Variants in RWDD1 observed in about 807,000 individuals in gnomAD.
RWDD1 encodes the protein RWD domain containing 1, also known as RWD domain-containing protein 1.
A neutral mutation model predicts 31.6 loss-of-function variants in RWDD1; 17 were observed. The ratio of observed to expected loss-of-function variants is 0.54; its 90% CI spans 0.37 to 0.81. RWDD1 has a LOEUF of 0.81. RWDD1 is among the 30% of genes least tolerant of loss of function. The pLI, the probability that RWDD1 is intolerant of heterozygous loss-of-function variation, is 0.00. For synonymous variants in RWDD1, 78 were observed against 94.2 expected (o/e 0.83, Z 0.99); for missense variants, 204 against 274.5 (o/e 0.74, Z 1.82).
Position 116,584,719 on chromosome 6 carries a change from T to C in RWDD1, c.140-8T>C. ...GTATTCACATCAAACTCTTATCTTG[T>C]GTCTTAGCTGTCCAGACTACCCTCA... is the stretch of plus-strand genomic sequence containing the variant. On this transcript the variant is annotated splice_polypyrimidine_tract_variant and splice_region_variant and intron_variant, in intron 2 of 6. Transcript: ENST00000466444. The C allele has an allele frequency of 6.2e-7, 1 of 1,609,178 alleles. No individual in the cohort carries two copies. The highest frequency in any genetic ancestry group is 8.5e-7 in the Non-Finnish European group (1 of 1,176,132).
In RWDD1 at chr6:116,590,275, T is replaced by G; in HGVS notation, c.418T>G (p.Leu140Val). ...CTTTTTTTTTTTATTTCCTAAGCAA[T>G]TATTCCATGGTACTCCAGTTACAAT... Reference protein sequence around the residue: ...EKEAEEAEKQLFHGTPVTIEN... With the variant: ...EKEAEEAEKQVFHGTPVTIEN... Residue 140 changes from leucine (L) to valine (V), a missense_variant, in exon 5 of 7, where the codon TTA (leucine) becomes GTA (valine). Physicochemically the swap from Leu to Val is conservative, Grantham distance 32. Coordinates refer to ENST00000466444, the MANE Select transcript of RWDD1 (RefSeq NM_015952.4). 1 of 1,531,088 alleles carries G rather than the reference T, an allele frequency of 6.5e-7. No individual in the cohort carries two copies. The highest frequency in any genetic ancestry group is 8.8e-7 in the Non-Finnish European group (1 of 1,138,356). 94.8% of individuals were successfully genotyped at this position (1,531,088 alleles called of 1,614,324 possible).
rs1775255512 is a variant in RWDD1 at position 116,597,387 on chromosome 6, C to T, written c.*4286C>T. 6.6e-6 allele frequency: 1 copy of T among 152,082 alleles called. No individual in the cohort carries two copies. The highest frequency in any genetic ancestry group is 2.4e-5 in the African/African-American group (1 of 41,414). The allele number at this position is 152,082 out of a possible 1,614,324, so 9.4% of individuals were successfully genotyped here. Reference sequence around the variant, plus strand: ...ATTTACTTATCATAAAAAATACTTCCTAGACCTTCCTCTTATAGCTATTGC... The same window carrying T: ...ATTTACTTATCATAAAAAATACTTCTTAGACCTTCCTCTTATAGCTATTGC... On this transcript the variant is annotated 3_prime_UTR_variant, in exon 7 of 7. Transcript: ENST00000466444.
intron 6 of RWDD1, among the ~76,000 whole-genome samples, chr6:116,592,083 AC>A (rs1775154557): frequency 6.6e-6 from 1 of 152,088 alleles, no homozygotes; most frequent in Non-Finnish European, 1.5e-5. Flanking sequence ...TATTCCTAAA[AC>A]CCATATTTAA....
intron 2 of RWDD1, 125 bp downstream of exon 2, chr6:116,580,485 T>C: frequency 1.9e-6 from 1 of 517,618 alleles, no homozygotes; most frequent in Non-Finnish European, 3.4e-6. Context: ...CTGCTATGAA[T>C]GTTGTATATT....
rs530633992 is a variant in RWDD1, at chr6:116,594,660, C to T, written c.*1559C>T. ...CATTAACATCCGTGCACATAGAGTC[C>T]TTTGTAATAATTTGGGATGATTGAC... On this transcript the variant is annotated 3_prime_UTR_variant, in exon 7 of 7. Transcript: ENST00000466444. 38 of 152,308 alleles carry T rather than the reference C, an allele frequency of 2.5e-4. No individual in the cohort carries two copies. Among genetic ancestry groups the T allele is most frequent in the African/African-American group, 9.1e-4 (38 of 41,572 alleles). The allele number at this position is 152,308 out of a possible 1,614,324, so 9.4% of individuals were successfully genotyped here.
chr6:116,589,108 AT>A, intron 4 of RWDD1, 123 bp downstream of exon 4: 1 of 846,122 alleles, frequency 1.2e-6, no homozygotes. Context: ...ATAAAAGTAA[AT>A]TTTAGTAAAG....
intron 1 of RWDD1, among the ~76,000 whole-genome samples, chr6:116,574,643 ACTTACTTT>A (rs1414925496): frequency 1.8e-3 from 236 of 130,992 alleles, no homozygotes; most frequent in African/African-American, 7.2e-3. Context: ...GTGGCCAACA[ACTTACTTT>A]CTTTCTTTCT....
rs1191575197 is a variant in RWDD1 at position 116,595,002 on chromosome 6, A to T, written c.*1901A>T. On this transcript the variant is annotated 3_prime_UTR_variant, in exon 7 of 7. Coordinates refer to ENST00000466444, the MANE Select transcript of RWDD1 (RefSeq NM_015952.4). Reference sequence around the variant, plus strand: ...GATCCCAGACCAATAGAATGGAATAACAACAGGAATGTTCAGCATTTCTTT... The same window carrying T: ...GATCCCAGACCAATAGAATGGAATATCAACAGGAATGTTCAGCATTTCTTT... The T allele has an allele frequency of 6.6e-6, 1 of 152,264 alleles. No homozygotes were observed. 9.4% of individuals were successfully genotyped at this position (152,264 alleles called of 1,614,324 possible). A position where few individuals can be genotyped will look rare whatever the true frequency, so the allele number is the denominator to read the frequency against.
chr6:116,571,569 G>T lies in RWDD1; in HGVS notation c.-14G>T. 1 of 1,612,698 alleles carries T rather than the reference G, an allele frequency of 6.2e-7. No homozygotes were observed. Among genetic ancestry groups the T allele is most frequent in the Non-Finnish European group, 8.5e-7 (1 of 1,179,562 alleles). ...AGGTGTCTGGGCGATCTATGGGCAA[G>T]AGCAAGGGCCACGATGACAGATTAC... On this transcript the variant is annotated 5_prime_UTR_variant, in exon 1 of 7. Transcript: ENST00000466444.
chr6:116,590,239 T>G (rs758829261), intron 4 of RWDD1, 33 bp from the exon 5 acceptor site: 3 of 1,263,432 alleles, frequency 2.4e-6, no homozygotes, highest in Non-Finnish European at 2.2e-6. Flanking sequence ...GCTGTTTCAT[T>G]AATCTGGTGA....
chr6:116,576,385 GA>G (rs944029394), intron 1 of RWDD1, among the ~76,000 whole-genome samples: 1 of 152,152 alleles, frequency 6.6e-6, no homozygotes, highest in African/African-American at 2.4e-5. Context: ...GCCACACCTT[GA>G]AAATGCCATC....
At chr6:116,576,924 G>A (rs1430092137) in intron 1 of RWDD1, among the ~76,000 whole-genome samples, 1 of 152,180 alleles carries the variant, frequency 6.6e-6, no homozygotes, top group Non-Finnish European at 1.5e-5. Flanking sequence ...ACATCACAGA[G>A]GGCCTTGTCA....
At position 116,586,279 on chromosome 6, in the gene RWDD1, T is replaced by C. The variant is rs574141863; in HGVS notation, c.270+1422T>C. On this transcript the variant is annotated intron_variant, in intron 3 of 6. Coordinates refer to ENST00000466444, the MANE Select transcript of RWDD1 (RefSeq NM_015952.4). ...ATGAAGAAGAAGAAAATAAAGATGA[T>C]TTTTAATTGTACCAACTATGTATAA... Among the ~76,000 whole-genome samples, 694 of 152,266 alleles carry C rather than the reference T, an allele frequency of 4.6e-3. 6 individuals are homozygous for C. Among genetic ancestry groups the C allele is most frequent in the African/African-American group, 0.016 (656 of 41,550 alleles).
chr6:116,574,675 TC>T (rs1774804185), intron 1 of RWDD1, among the ~76,000 whole-genome samples: 2 of 150,062 alleles, frequency 1.3e-5, no homozygotes, highest in Admixed American at 1.3e-4. Flanking sequence ...TTTCTCTCTC[TC>T]TCTCTTCCTT....
chr6:116,571,782 C>T, intron 1 of RWDD1, 127 bp downstream of exon 1: 2 of 638,650 alleles, frequency 3.1e-6, no homozygotes, highest in East Asian at 6.3e-5. Flanking sequence ...GCCACCTTGC[C>T]CTCCACTCCT....
intron 3 of RWDD1, among the ~76,000 whole-genome samples, chr6:116,587,219 CATT>C (rs1220773794): frequency 6.6e-6 from 1 of 152,052 alleles, no homozygotes; most frequent in Non-Finnish European, 1.5e-5. Context: ...AATTGGAAAT[CATT>C]ATTCTGTATG....
At chr6:116,582,708 C>T (rs544925002) in intron 2 of RWDD1, among the ~76,000 whole-genome samples, 57 of 151,908 alleles carry the variant, frequency 3.8e-4, no homozygotes, top group East Asian at 2.5e-3. Context: ...CTAGCTGTTT[C>T]GTTAGACCTT....
rs1775225696 is a variant in RWDD1 at position 116,595,502 on chromosome 6, T to C, written c.*2401T>C. On this transcript the variant is annotated 3_prime_UTR_variant, in exon 7 of 7. Coordinates refer to ENST00000466444, the MANE Select transcript of RWDD1 (RefSeq NM_015952.4). ...GTTGCAATAGCATGACGAGTGGTAT[T>C]TGAAGCAATAATTGTTCCATCTTGG... The C allele has an allele frequency of 6.6e-6, 1 of 152,364 alleles. No homozygotes were observed. The highest frequency in any genetic ancestry group is 6.5e-5 in the Admixed American group (1 of 15,304). The allele number at this position is 152,364 out of a possible 1,614,324, so 9.4% of individuals were successfully genotyped here.
intron 1 of RWDD1, among the ~76,000 whole-genome samples, chr6:116,576,500 T>C (rs1774844286): frequency 6.6e-6 from 1 of 152,264 alleles, no homozygotes. Context: ...TGATTTCTCA[T>C]GGATTGATAG....
Sources: allele counts gnomAD v4.1 joint callset (sites outside exome capture counted in the v4.1 genomes callset), GRCh38; gene constraint gnomAD v4.1.1; transcripts MANE v1.5; gene names NCBI Gene and HGNC (gene_info 2026-07-23, HGNC 2026-07-21).